Variants in LIMS1 observed in about 807,000 individuals in gnomAD.
LIMS1 encodes LIM and senescent cell antigen-like-containing domain protein 1.
In LIMS1, 18 loss-of-function variants were observed where a neutral mutation model predicts 44.1. The observed-to-expected ratio is 0.41, with a 90% CI of 0.28 to 0.61. The LOEUF is 0.61. Ranked by LOEUF, LIMS1 falls within the 20% of genes least tolerant of loss-of-function variation. The pLI, the probability that LIMS1 is intolerant of heterozygous loss-of-function variation, is 0.32. For missense variants in LIMS1, 201 were observed against 422.0 expected (o/e 0.48, Z 4.59); for synonymous variants, 93 against 149.1 (o/e 0.62, Z 2.74).
chr2:108,681,145 A>G, intron 9 of LIMS1: 1 of 1,286,528 alleles, frequency 7.8e-7, no homozygotes, highest in Non-Finnish European at 9.8e-7. Context: ...CATCATTTTC[A>G]CTGCTTTCTC....
intron 1 of LIMS1, among the ~76,000 whole-genome samples, chr2:108,631,296 G>T (rs1001873842): frequency 2.6e-5 from 4 of 152,168 alleles, no homozygotes; most frequent in African/African-American, 9.7e-5. Context: ...AGGAGTCTGG[G>T]TATAGCCCAC....
intron 1 of LIMS1, among the ~76,000 whole-genome samples, chr2:108,602,159 T>C (rs1213671733): frequency 1.3e-5 from 2 of 152,236 alleles, no homozygotes; most frequent in African/African-American, 4.8e-5. Context: ...TTTTGTGTAC[T>C]CCAACTTTAC....
chr2:108,678,852 A>G (rs1692749864), intron 8 of LIMS1, among the ~76,000 whole-genome samples: 1 of 152,204 alleles, frequency 6.6e-6, no homozygotes, highest in Admixed American at 6.5e-5. Context: ...TGTTGGGCCA[A>G]CAGCAGTAGG....
chr2:108,594,307 A>G (rs1489588090), intron 1 of LIMS1, among the ~76,000 whole-genome samples: 1 of 152,218 alleles, frequency 6.6e-6, no homozygotes, highest in Non-Finnish European at 1.5e-5. Flanking sequence ...CAGACGTTCC[A>G]TGACTAACCC....
At chr2:108,675,306 C>T (rs1216766194) in intron 5 of LIMS1, among the ~76,000 whole-genome samples, 3 of 150,474 alleles carry the variant, frequency 2.0e-5, no homozygotes, top group Non-Finnish European at 4.4e-5. Flanking sequence ...TAGCAGAGGG[C>T]ATCACATGGT....
At chr2:108,564,825 TA>T (rs925199168) in intron 1 of LIMS1, among the ~76,000 whole-genome samples, 360 of 140,930 alleles carry the variant, frequency 2.6e-3, no homozygotes, top group Middle Eastern at 3.6e-3. Flanking sequence ...GACAACACTG[TA>T]AAAAAAAAAA....
chr2:108,581,937 CAA>C (rs1412535889), intron 1 of LIMS1, among the ~76,000 whole-genome samples: 3 of 103,426 alleles, frequency 2.9e-5, no homozygotes, highest in Admixed American at 1.0e-4. Context: ...AACTCCATCT[CAA>C]AAAAAAAAAA....
chr2:108,551,511 A>G (rs1409632952), intron 1 of LIMS1, among the ~76,000 whole-genome samples: 1 of 145,426 alleles, frequency 6.9e-6, no homozygotes. Context: ...ACACACACAC[A>G]CACACACACA....
intron 1 of LIMS1, among the ~76,000 whole-genome samples, chr2:108,538,830 T>G (rs1684223387): frequency 6.6e-6 from 1 of 152,246 alleles, no homozygotes; most frequent in South Asian, 2.1e-4. Context: ...CTTTTTCATC[T>G]TCCCAAACTG....
chr2:108,676,126 G>A lies in LIMS1; in HGVS notation c.681+98G>A, dbSNP rs1416005347. The A allele has an allele frequency of 7.9e-6, 11 of 1,399,996 alleles. 1 individual carries two copies. In the Admixed American group the frequency reaches 1.1e-4, roughly 14 times the overall value. 86.7% of individuals were successfully genotyped at this position (1,399,996 alleles called of 1,614,324 possible). ...ATCTCCCATGATTCAGGGGTAACCAGTACTTTCAAATCTTCATGATTCAGG... is the reference window on the plus strand; with the variant it reads ...ATCTCCCATGATTCAGGGGTAACCAATACTTTCAAATCTTCATGATTCAGG... On this transcript the variant is annotated intron_variant, in intron 6 of 9. Transcript: ENST00000544547.
At chr2:108,606,337 CT>C (rs1687265205) in intron 1 of LIMS1, among the ~76,000 whole-genome samples, 2 of 152,206 alleles carry the variant, frequency 1.3e-5, no homozygotes, top group South Asian at 4.1e-4. Context: ...GAAGGTCAGA[CT>C]TTACATTTTT....
intron 1 of LIMS1, among the ~76,000 whole-genome samples, chr2:108,559,943 C>T (rs1685056785): frequency 1.3e-5 from 2 of 152,096 alleles, no homozygotes; most frequent in Non-Finnish European, 2.9e-5. Context: ...GGAGCCCACC[C>T]GCCAGCCCCA....
intron 1 of LIMS1, among the ~76,000 whole-genome samples, chr2:108,585,384 T>A (rs1056354799): frequency 6.6e-6 from 1 of 151,944 alleles, no homozygotes; most frequent in Non-Finnish European, 1.5e-5. Context: ...TCGCCATGCC[T>A]GAGAGAGGGC....
At chr2:108,595,951 G>T (rs1194958754) in intron 1 of LIMS1, among the ~76,000 whole-genome samples, 1 of 152,102 alleles carries the variant, frequency 6.6e-6, no homozygotes, top group Non-Finnish European at 1.5e-5. Context: ...AGAACCTGAG[G>T]TTATCTGTGG....
intron 1 of LIMS1, among the ~76,000 whole-genome samples, chr2:108,648,331 G>GA (rs1182999033): frequency 1.3e-5 from 2 of 152,144 alleles, no homozygotes; most frequent in Non-Finnish European, 2.9e-5. Context: ...CAAACAAATG[G>GA]AAAAATATTC....
At chr2:108,612,445 G>C (rs1334258956) in intron 1 of LIMS1, among the ~76,000 whole-genome samples, 1 of 151,342 alleles carries the variant, frequency 6.6e-6, no homozygotes, top group Non-Finnish European at 1.5e-5. Context: ...TAGTTGCTAT[G>C]ATGAAGAAAA....
chr2:108,572,093 A>G (rs888409679), intron 1 of LIMS1, among the ~76,000 whole-genome samples: 10 of 152,298 alleles, frequency 6.6e-5, no homozygotes, highest in African/African-American at 1.9e-4. Flanking sequence ...TGAGTGGCCT[A>G]TTATAAAGCC....
In LIMS1 at chr2:108,536,722, A is replaced by T. The variant is rs959518719; in HGVS notation, c.32+2128A>T. Among the ~76,000 whole-genome samples the T allele has an allele frequency of 7.2e-5, 11 of 152,168 alleles. No individual in the cohort carries two copies. In the East Asian group the frequency reaches 2.1e-3, roughly 29 times the overall value. On this transcript the variant is annotated intron_variant, in intron 1 of 9. Coordinates refer to ENST00000544547, the Ensembl canonical transcript of LIMS1. ...CAGTCCCCCAAGTAGCTGGGACTAC[A>T]GACACACGCCACCATGCCTGGATAA... is the stretch of plus-strand genomic sequence containing the variant.
At chr2:108,589,966 G>A (rs910621469) in intron 1 of LIMS1, among the ~76,000 whole-genome samples, 11 of 152,160 alleles carry the variant, frequency 7.2e-5, no homozygotes, top group Non-Finnish European at 1.6e-4. Flanking sequence ...AGAAGAATAT[G>A]TATTCTGTTG....
Sources: allele counts gnomAD v4.1 joint callset (sites outside exome capture counted in the v4.1 genomes callset), GRCh38; gene constraint gnomAD v4.1.1; transcripts MANE v1.5; gene names NCBI Gene and HGNC (gene_info 2026-07-23, HGNC 2026-07-21).